Variants in ZRANB1 observed in about 807,000 individuals in gnomAD.
ZRANB1 encodes the protein ubiquitin thioesterase ZRANB1.
In ZRANB1, 16 loss-of-function variants were observed where a neutral mutation model predicts 80.5. The observed-to-expected ratio is 0.20, with a 90% CI of 0.13 to 0.30. The LOEUF (loss-of-function observed/expected upper bound fraction) is 0.30. Among genes scored for constraint, ZRANB1 ranks in the 10% least tolerant of loss-of-function variants. The probability of loss-of-function intolerance (pLI) is 1.00; values close to 1 mark genes in which losing one functional copy is unlikely to be tolerated. For synonymous variants in ZRANB1, 291 were observed against 293.1 expected, an observed-to-expected ratio of 0.99 and a Z score of 0.07; for missense variants, 576 against 862.6, an observed-to-expected ratio of 0.67 and a Z score of 4.16.
chr10:124,972,134 A>G lies in ZRANB1; in HGVS notation c.1156+16A>G. The G allele has an allele frequency of 6.2e-7, 1 of 1,604,024 alleles. No homozygotes were observed. The highest frequency in any genetic ancestry group is 8.5e-7 in the Non-Finnish European group (1 of 1,176,910). On this transcript the variant is annotated intron_variant, in intron 3 of 8. Transcript: ENST00000359653. ...TTGCCAGCAGGTAACTCCAAAATCT[A>G]ACGTAAAAAGACTTTTTTATTTTAT...
intron 5 of ZRANB1, among the ~76,000 whole-genome samples, chr10:124,978,483 C>T (rs1258854314): frequency 1.3e-5 from 2 of 152,156 alleles, no homozygotes; most frequent in African/African-American, 2.4e-5. Flanking sequence ...CTTGGATACC[C>T]GTGATTTTAG....
rs760653873 is a variant in ZRANB1, at chr10:124,985,006, ACAG to A, written c.*18_*20del. 6 of 1,575,594 alleles carry A rather than the reference ACAG, an allele frequency of 3.8e-6. No homozygotes were observed. The highest frequency in any genetic ancestry group is 1.1e-5 in the South Asian group (1 of 88,150). On this transcript the variant is annotated 3_prime_UTR_variant, in exon 9 of 9. Transcript: ENST00000359653. ...GAAGATGAATGAAAAAAAAAATCAA[ACAG>A]CAGAAGACCAAGGCATCAGATCTGT...
At chr10:124,927,991 C>T in the ZRANB1 span, among the ~76,000 whole-genome samples, 5 of 152,076 alleles carry the variant, frequency 3.3e-5, no homozygotes, top group South Asian at 2.1e-4. Flanking sequence ...GAGCTGAGAT[C>T]GCATCACTGC....
intron 2 of ZRANB1, 139 bp from the exon 3 acceptor site, chr10:124,971,826 G>A (rs925730984): frequency 9.8e-6 from 7 of 713,334 alleles, no homozygotes; most frequent in Non-Finnish European, 1.5e-5. Flanking sequence ...TCATTGGTAA[G>A]GAAATAATAC....
At chr10:124,960,257 T>TTG (rs1487353142) in intron 1 of ZRANB1, among the ~76,000 whole-genome samples, 1 of 152,224 alleles carries the variant, frequency 6.6e-6, no homozygotes, top group Non-Finnish European at 1.5e-5. Flanking sequence ...GTGTTTCTAA[T>TTG]TGGAGACCTT....
the ZRANB1 span, among the ~76,000 whole-genome samples, chr10:124,927,763 G>T: frequency 6.6e-6 from 1 of 152,174 alleles, no homozygotes; most frequent in Admixed American, 6.5e-5. Context: ...AAGGCCTGGC[G>T]CGGTGGGTCA....
Position 124,988,052 on chromosome 10 carries a change from A to AT in ZRANB1, c.*3060_*3061insT, listed in dbSNP as rs1952113516. On this transcript the variant is annotated 3_prime_UTR_variant, in exon 9 of 9. Transcript: ENST00000359653. ...GGGGTAGATTAAAGTCAGAACTCTA[A>AT]AAGTTGAGCAACTTTGTTTTTTTTT... 1 of 150,116 alleles carries AT rather than the reference A, an allele frequency of 6.7e-6. No homozygotes were observed. The highest frequency in any genetic ancestry group is 2.5e-5 in the African/African-American group (1 of 39,904). The allele number at this position is 150,116 out of a possible 1,614,324, so 9.3% of individuals were successfully genotyped here.
At chr10:124,977,541 C>T (rs538583244) in intron 5 of ZRANB1, among the ~76,000 whole-genome samples, 4 of 151,636 alleles carry the variant, frequency 2.6e-5, no homozygotes, top group African/African-American at 9.7e-5. Flanking sequence ...GAAACCCTGT[C>T]TCCACCAAAA....
At chr10:124,929,482 C>G in the ZRANB1 span, among the ~76,000 whole-genome samples, 1 of 151,620 alleles carries the variant, frequency 6.6e-6, no homozygotes, top group Admixed American at 6.6e-5. Flanking sequence ...ATTACAGGTG[C>G]GCACCACCAC....
At chr10:124,984,559 T>C in intron 8 of ZRANB1, 2 of 538,814 alleles carry the variant, frequency 3.7e-6, no homozygotes, top group East Asian at 2.9e-5. Flanking sequence ...CTTTAGTTTT[T>C]TTCTGAGAAA....
At chr10:124,963,846 A>G (rs1011482989) in intron 1 of ZRANB1, among the ~76,000 whole-genome samples, 1 of 152,206 alleles carries the variant, frequency 6.6e-6, no homozygotes, top group Non-Finnish European at 1.5e-5. Context: ...AAAATGTGCA[A>G]TTCTTAATGA....
chr10:124,975,871 G>A (rs1401156883), intron 5 of ZRANB1, among the ~76,000 whole-genome samples: 1 of 152,122 alleles, frequency 6.6e-6, no homozygotes, highest in Admixed American at 6.5e-5. Flanking sequence ...GTGTGGTGGT[G>A]CATGCCTATA....
rs781588445 is a variant in ZRANB1 at position 124,983,809 on chromosome 10, A to C, written c.1908+121A>C. 20 of 721,646 alleles carry C rather than the reference A, an allele frequency of 2.8e-5. No homozygotes were observed. The highest frequency in any genetic ancestry group is 4.1e-5 in the Non-Finnish European group (18 of 441,834). 44.7% of individuals were successfully genotyped at this position (721,646 alleles called of 1,614,324 possible). A position where few individuals can be genotyped will look rare whatever the true frequency, so the allele number is the denominator to read the frequency against. On this transcript the variant is annotated intron_variant, in intron 8 of 8. Transcript: ENST00000359653. This position sits in a 1 kb window ranked among gnomAD's most constrained non-coding sequence, Gnocchi z 6.2. The stretch of plus-strand genomic sequence containing the variant: ...TTAATTTCTGAATGTGATGGTAGTA[A>C]TTGCTGAAGGTACTAGCTATACTTT...
chr10:124,981,696 CCTG>C lies in ZRANB1; in HGVS notation c.1428-10_1428-8del, dbSNP rs745683441. 4 of 1,588,454 alleles carry C rather than the reference CCTG, an allele frequency of 2.5e-6. No homozygotes were observed. In the East Asian group the frequency reaches 6.7e-5, roughly 27 times the overall value. ...GACTATTTATTTATTTTTTTACTATCCTGCTTTTTTAGGTTTTACACACGCTGG... is the reference window on the plus strand; with the variant it reads ...GACTATTTATTTATTTTTTTACTATCCTTTTTTAGGTTTTACACACGCTGG... On this transcript the variant is annotated splice_polypyrimidine_tract_variant and intron_variant, in intron 5 of 8. Transcript: ENST00000359653.
the ZRANB1 span, among the ~76,000 whole-genome samples, chr10:124,918,616 AC>A: frequency 2.6e-5 from 4 of 152,248 alleles, no homozygotes; most frequent in Non-Finnish European, 5.9e-5. Context: ...AACATGGATG[AC>A]TCAGTGTACA....
intron 5 of ZRANB1, among the ~76,000 whole-genome samples, chr10:124,975,328 G>A (rs1161066852): frequency 2.6e-5 from 4 of 152,064 alleles, no homozygotes; most frequent in Non-Finnish European, 5.9e-5. Flanking sequence ...AAGACTCGTG[G>A]GTCAATTCGT....
chr10:124,984,759 A>G lies in ZRANB1; in HGVS notation c.1909-15A>G. On this transcript the variant is annotated splice_polypyrimidine_tract_variant and intron_variant, in intron 8 of 8. Transcript: ENST00000359653. ...GTTGTATGATTTTCCCTTTGTCTTC[A>G]TATTCCTCCAAAAGCTAGGTAATGA... 1.2e-6 allele frequency: 2 copies of G among 1,610,660 alleles called. No homozygotes were observed. Among genetic ancestry groups the G allele is most frequent in the Non-Finnish European group, 1.7e-6 (2 of 1,177,734 alleles).
intron 5 of ZRANB1, 42 bp downstream of exon 5, chr10:124,974,440 T>G (rs1263790938): frequency 3.1e-6 from 5 of 1,601,938 alleles, no homozygotes; most frequent in Non-Finnish European, 4.3e-6. Context: ...GGAGTGCATT[T>G]GCTGGATTAT....
chr10:124,917,134 G>A, the ZRANB1 span: 1 of 157,578 alleles, frequency 6.3e-6, no homozygotes, highest in African/African-American at 2.4e-5. Flanking sequence ...GAGGCGGAGA[G>A]GGGCCGGGCT....
Sources: allele counts gnomAD v4.1 joint callset (sites outside exome capture counted in the v4.1 genomes callset), GRCh38; gene constraint gnomAD v4.1.1; non-coding constraint Gnocchi (gnomAD v3.1); transcripts MANE v1.5; gene names NCBI Gene and HGNC (gene_info 2026-07-23, HGNC 2026-07-21).